Variants in SLC35D1 observed in about 807,000 individuals in gnomAD.
The protein encoded by SLC35D1 is solute carrier family 35 member D1.
A neutral mutation model predicts 46.7 loss-of-function variants in SLC35D1; 31 were observed. The ratio of observed to expected loss-of-function variants is 0.66; its 90% CI spans 0.50 to 0.90. The LOEUF (loss-of-function observed/expected upper bound fraction) is 0.90, where lower values mean the gene tolerates loss of function less well. SLC35D1 is among the 40% of genes least tolerant of loss of function. The pLI, the probability that SLC35D1 is intolerant of heterozygous loss-of-function variation, is 0.00. For missense variants in SLC35D1, 397 were observed against 426.2 expected (o/e 0.93, Z 0.60); for synonymous variants, 195 against 164.6 (o/e 1.18, Z -1.41).
the SLC35D1 span, among the ~76,000 whole-genome samples, chr1:66,993,529 T>C: frequency 1.3e-5 from 2 of 152,230 alleles, no homozygotes; most frequent in African/African-American, 2.4e-5. Context: ...TAAAATAATA[T>C]GTACTGTGAC....
chr1:67,052,233 C>G (rs1645317097), intron 3 of SLC35D1, among the ~76,000 whole-genome samples, 154 bp from the exon 4 acceptor site: 1 of 152,032 alleles, frequency 6.6e-6, no homozygotes, highest in Non-Finnish European at 1.5e-5. Context: ...CCCAAACACC[C>G]AAACAAAACT....
At chr1:67,047,443 A>G (rs948146972) in intron 6 of SLC35D1, 76 bp from the exon 7 acceptor site, 22 of 1,196,270 alleles carry the variant, frequency 1.8e-5, no homozygotes, top group Non-Finnish European at 2.5e-5. Flanking sequence ...AAGCTAAAAT[A>G]TTTACAAGAA....
chr1:66,987,354 AAAG>A, the SLC35D1 span: 8 of 152,674 alleles, frequency 5.2e-5, no homozygotes, highest in Non-Finnish European at 8.8e-5. Context: ...TGCATTGGAA[AAAG>A]AAGTCTGTTA....
Position 67,004,104 on chromosome 1 carries a change from GTA to G in SLC35D1, c.*234_*235del. On this transcript the variant is annotated 3_prime_UTR_variant, in exon 12 of 12. Transcript: ENST00000235345. ...TAAGAAAAATAAATTAAAAAGCCCA[GTA>G]CCTTTTCCAGTCTGATATAAATTAA... is the stretch of plus-strand genomic sequence containing the variant. 2.1e-6 allele frequency: 1 copy of G among 471,804 alleles called. No homozygotes were observed. The highest frequency in any genetic ancestry group is 3.9e-6 in the Non-Finnish European group (1 of 257,768). The allele number at this position is 471,804 out of a possible 1,614,324, so 29.2% of individuals were successfully genotyped here.
At chr1:66,986,763 GT>G in the SLC35D1 span, 1 of 277,398 alleles carries the variant, frequency 3.6e-6, no homozygotes, top group Admixed American at 5.1e-5. Context: ...TGTTGTTTTT[GT>G]TTTACTTAAA....
the SLC35D1 span, chr1:66,986,076 T>TA: frequency 9.6e-7 from 1 of 1,038,440 alleles, no homozygotes; most frequent in Non-Finnish European, 1.2e-6. Context: ...AAGTGATACT[T>TA]AGATATTGGC....
Position 67,049,870 on chromosome 1 carries a change from A to C in SLC35D1, c.465-20T>G, listed in dbSNP as rs766984098. The stretch of plus-strand genomic sequence containing the variant: ...GTCTTCCTACAAAACAAAAAATTTT[A>C]AAATACACACATGACTTTATTCCCA... On this transcript the variant is annotated intron_variant, in intron 5 of 11. Transcript: ENST00000235345. 1 of 1,563,148 alleles carries C rather than the reference A, an allele frequency of 6.4e-7. No homozygotes were observed. Among genetic ancestry groups the C allele is most frequent in the East Asian group, 2.3e-5 (1 of 44,216 alleles).
At chr1:66,974,800 C>A in the SLC35D1 span, among the ~76,000 whole-genome samples, 9,445 of 152,034 alleles carry the variant, frequency 0.062, 927 homozygotes, top group African/African-American at 0.21. Flanking sequence ...GTGAGAATAT[C>A]GAGTTTGTTT....
At position 67,033,259 on chromosome 1, in the gene SLC35D1, A is replaced by G. The variant is rs185221159; in HGVS notation, c.729+8977T>C. Among the ~76,000 whole-genome samples, 3 of 152,204 alleles carry G rather than the reference A, an allele frequency of 2.0e-5. No homozygotes were observed. In the East Asian group the frequency reaches 5.8e-4, roughly 29 times the overall value. Reference sequence around the variant, plus strand: ...GGTTTTACCCAGCAGTGGGATTGCTAGATTGTATGGTAGCTGTATTTTTAG... The same window carrying G: ...GGTTTTACCCAGCAGTGGGATTGCTGGATTGTATGGTAGCTGTATTTTTAG... On this transcript the variant is annotated intron_variant, in intron 8 of 11. Transcript: ENST00000235345.
At chr1:66,986,685 A>G in the SLC35D1 span, 1 of 489,516 alleles carries the variant, frequency 2.0e-6, no homozygotes, top group South Asian at 3.5e-5. Context: ...ATGTACATTC[A>G]CTGTTGTTAC....
chr1:67,010,208 G>T (rs1365145409), intron 10 of SLC35D1, among the ~76,000 whole-genome samples: 2 of 152,160 alleles, frequency 1.3e-5, no homozygotes, highest in Non-Finnish European at 2.9e-5. Flanking sequence ...AAAGGGGGAT[G>T]TGAGTTGGAA....
At position 67,001,720 on chromosome 1, in the gene SLC35D1, G is replaced by A. The variant is rs557150973; in HGVS notation, c.*2620C>T. On this transcript the variant is annotated 3_prime_UTR_variant, in exon 12 of 12. Transcript: ENST00000235345. ...GTAAATCACCAGTATATTGTAACAC[G>A]CCTGCAATAATCAAAACGCAAACTC... The A allele has an allele frequency of 2.6e-5, 4 of 152,300 alleles. No homozygotes were observed. The highest frequency in any genetic ancestry group is 1.3e-4 in the Admixed American group (2 of 15,278). The allele number at this position is 152,300 out of a possible 1,614,324, so 9.4% of individuals were successfully genotyped here.
chr1:66,987,204 T>C, the SLC35D1 span: 1 of 152,760 alleles, frequency 6.5e-6, no homozygotes, highest in African/African-American at 2.4e-5. Context: ...TTTATACAGG[T>C]ATTTCACACA....
chr1:67,011,030 T>C (rs1667555709), intron 10 of SLC35D1, among the ~76,000 whole-genome samples: 1 of 152,182 alleles, frequency 6.6e-6, no homozygotes, highest in Non-Finnish European at 1.5e-5. Context: ...GGCTGCTACC[T>C]GTGAGGTTTC....
At chr1:67,023,135 T>G (rs1667845825) in intron 8 of SLC35D1, among the ~76,000 whole-genome samples, 1 of 152,226 alleles carries the variant, frequency 6.6e-6, no homozygotes, top group Non-Finnish European at 1.5e-5. Flanking sequence ...CCTTTGAACC[T>G]TCCGTTACAA....
chr1:67,011,701 C>T (rs571190662), intron 10 of SLC35D1, among the ~76,000 whole-genome samples: 1 of 152,248 alleles, frequency 6.6e-6, no homozygotes, highest in East Asian at 1.9e-4. Context: ...CCAGACTGGT[C>T]TTGAGCTCCT....
chr1:67,017,384 A>G (rs1194915973), intron 10 of SLC35D1, among the ~76,000 whole-genome samples: 2 of 152,164 alleles, frequency 1.3e-5, no homozygotes, highest in Admixed American at 6.5e-5. Flanking sequence ...TAAAACCTGA[A>G]TTCTTTCCTG....
At chr1:66,978,904 T>C in the SLC35D1 span, among the ~76,000 whole-genome samples, 1 of 152,228 alleles carries the variant, frequency 6.6e-6, no homozygotes, top group Non-Finnish European at 1.5e-5. Flanking sequence ...GAAAACTTTT[T>C]GAAGATACTT....
intron 4 of SLC35D1, 63 bp from the exon 5 acceptor site, chr1:67,050,567 T>C: frequency 1.5e-6 from 2 of 1,349,040 alleles, no homozygotes; most frequent in Non-Finnish European, 2.1e-6. Context: ...ACTAAGATTT[T>C]CCAAATTGGT....
Sources: gnomAD v4.1 joint callset for allele counts (sites outside exome capture counted in the v4.1 genomes callset) on GRCh38, gnomAD v4.1.1 for gene constraint, MANE v1.5 for transcripts, NCBI Gene and HGNC (gene_info 2026-07-23, HGNC 2026-07-21) for gene names.